Variants in AOC1 observed in about 807,000 individuals in gnomAD.
AOC1 encodes the protein amine oxidase copper containing 1.
A neutral mutation model predicts 57.1 loss-of-function variants in AOC1; 58 were observed. The observed-to-expected ratio is 1.02, with a 90% CI of 0.82 to 1.26. The LOEUF is 1.26. AOC1 is among the 50% of genes most tolerant of loss of function. The pLI, the probability that AOC1 is intolerant of heterozygous loss-of-function variation, is 0.00. For synonymous variants in AOC1, 401 were observed against 423.4 expected, an observed-to-expected ratio of 0.95 and a Z score of 0.65; for missense variants, 917 against 1,005.3, an observed-to-expected ratio of 0.91 and a Z score of 1.19.
In AOC1 at chr7:150,861,385, G is replaced by C; in HGVS notation, c.*176G>C. 1 of 673,526 alleles carries C rather than the reference G, an allele frequency of 1.5e-6. No homozygotes were observed. The highest frequency in any genetic ancestry group is 2.4e-6 in the Non-Finnish European group (1 of 416,878). 41.7% of individuals were successfully genotyped at this position (673,526 alleles called of 1,614,324 possible). The stretch of plus-strand genomic sequence containing the variant: ...ACACACAGACGTGCACACACACACA[G>C]ACATGCACACACACACAGACGTGCA... On this transcript the variant is annotated 3_prime_UTR_variant, in exon 5 of 5. Transcript: ENST00000360937. The surrounding 1 kb of genome is among the most constrained non-coding windows in gnomAD (Gnocchi z 4.5).
In AOC1 at chr7:150,856,311, C is replaced by T; in HGVS notation, c.-16-144C>T. The stretch of plus-strand genomic sequence containing the variant: ...CGGCGCTGGGGACTATGCATGGGGC[C>T]CCAGCTGCCCCAGGACAGCCTCCAG... On this transcript the variant is annotated intron_variant, in intron 1 of 4. Coordinates refer to ENST00000360937, the MANE Select transcript of AOC1 (RefSeq NM_001091.4). The surrounding 1 kb of genome is among the most constrained non-coding windows in gnomAD (Gnocchi z 5.2). The T allele has an allele frequency of 9.2e-7, 1 of 1,087,116 alleles. No homozygotes were observed. 67.3% of individuals were successfully genotyped at this position (1,087,116 alleles called of 1,614,324 possible).
rs1180731794 is a variant in AOC1, at chr7:150,857,717, T to G, written c.1247T>G (p.Leu416Arg). Residue 416 changes from leucine to arginine, a missense_variant, in exon 2 of 5, where the codon CTC becomes CGC. By Grantham distance (102) the Leu-to-Arg change is moderately radical (BLOSUM62 -2). Transcript: ENST00000360937. This position sits in a 1 kb window ranked among gnomAD's most constrained non-coding sequence, Gnocchi z 6.6. ...ADDPVHYPRALCLFEMPTGVP... is the reference protein window; with the variant it reads ...ADDPVHYPRARCLFEMPTGVP... Reference sequence around the variant, plus strand: ...GACCCGGTCCATTATCCCCGAGCCCTCTGCCTCTTTGAAATGCCCACAGGG... The same window carrying G: ...GACCCGGTCCATTATCCCCGAGCCCGCTGCCTCTTTGAAATGCCCACAGGG... 6.2e-7 allele frequency: 1 copy of G among 1,614,048 alleles called. No homozygotes were observed. The highest frequency in any genetic ancestry group is 1.3e-5 in the African/African-American group (1 of 74,932).
At chr7:150,853,332 G>A (rs149696816) in intron 1 of AOC1, among the ~76,000 whole-genome samples, 32 of 152,190 alleles carry the variant, frequency 2.1e-4, no homozygotes, top group African/African-American at 7.5e-4. Context: ...TTGATAGTGG[G>A]GAGGCTGCGT....
chr7:150,858,923 G>A lies in AOC1; in HGVS notation c.1731G>A (p.Leu577=). 2 of 1,612,690 alleles carry A rather than the reference G, an allele frequency of 1.2e-6. No homozygotes were observed. Among genetic ancestry groups the A allele is most frequent in the Non-Finnish European group, 8.5e-7 (1 of 1,179,302 alleles). Residue 577 remains leucine, a synonymous_variant, in exon 3 of 5, where the codon CTG becomes CTA. Coordinates refer to ENST00000360937, the MANE Select transcript of AOC1 (RefSeq NM_001091.4). The part of the protein sequence containing the change: ...FRFKRKLPKY[L]LFTSPQENPW... ...TCAAAAGGAAGCTGCCTAAGTACCT[G>A]CTCTTTACCAGCCCCCAGGAGAACC...
rs1295458183 is a variant in AOC1, at chr7:150,860,935, T to G, written c.1990-8T>G. 1.2e-6 allele frequency: 2 copies of G among 1,608,914 alleles called. No individual in the cohort carries two copies. Among genetic ancestry groups the G allele is most frequent in the South Asian group, 2.2e-5 (2 of 90,804 alleles). On this transcript the variant is annotated splice_region_variant and splice_polypyrimidine_tract_variant and intron_variant, in intron 4 of 4. Transcript: ENST00000360937. ...CCTGCCCACTGAAGCCCACCCTGTCTCCTGCAGGACCTGGTGGCCTGGGTG... is the reference window on the plus strand; with the variant it reads ...CCTGCCCACTGAAGCCCACCCTGTCGCCTGCAGGACCTGGTGGCCTGGGTG...
rs1799834143 is a variant in AOC1 at position 150,857,740 on chromosome 7, G to T, written c.1270G>T (p.Gly424Trp). 1 of 1,614,088 alleles carries T rather than the reference G, an allele frequency of 6.2e-7. No individual in the cohort carries two copies. Among genetic ancestry groups the T allele is most frequent in the Admixed American group, 1.7e-5 (1 of 60,010 alleles). ...CCTCTGCCTCTTTGAAATGCCCACA[G>T]GGGTGCCCCTTCGGCGGCACTTTAA... The part of the protein sequence containing the change: ...RALCLFEMPT[G>W]VPLRRHFNSN... The change falls in exon 2 of 5, where the codon GGG becomes TGG. Residue 424 changes from glycine to tryptophan, a missense_variant. By Grantham distance (184) the Gly-to-Trp change is radical. Transcript: ENST00000360937. This position sits in a 1 kb window ranked among gnomAD's most constrained non-coding sequence, Gnocchi z 6.6.
rs1799826272 is a variant in AOC1 at position 150,857,567 on chromosome 7, G to A, written c.1097G>A (p.Gly366Asp). 1.2e-6 allele frequency: 2 copies of A among 1,613,914 alleles called. No individual in the cohort carries two copies. The highest frequency in any genetic ancestry group is 2.2e-5 in the South Asian group (2 of 91,090). The change falls in exon 2 of 5, where the codon GGC becomes GAC. Residue 366 changes from glycine (G) to aspartate (D), a missense_variant. By Grantham distance (94) the Gly-to-Asp change is moderately conservative. Coordinates refer to ENST00000360937, the MANE Select transcript of AOC1 (RefSeq NM_001091.4). The surrounding 1 kb of genome is among the most constrained non-coding windows in gnomAD (Gnocchi z 6.6). ...CTGTATGGAGGACACACACCTGCAG[G>A]CATGCAGACCAAGTACCTCGATGTC... ...VALYGGHTPA[G>D]MQTKYLDVGW...
At chr7:150,855,213 G>T (rs1203085187) in intron 1 of AOC1, among the ~76,000 whole-genome samples, 1 of 152,194 alleles carries the variant, frequency 6.6e-6, no homozygotes, top group Non-Finnish European at 1.5e-5. Context: ...GTGCAAGGTG[G>T]CAAAGGCAGT....
At position 150,857,821 on chromosome 7, in the gene AOC1, G is replaced by A. The variant is rs1193534182; in HGVS notation, c.1351G>A (p.Val451Met). Residue 451 changes from valine (V) to methionine (M), a missense_variant, in exon 2 of 5, where the codon GTG (valine) becomes ATG (methionine). By Grantham distance (21) the Val-to-Met change is conservative. Coordinates refer to ENST00000360937, the MANE Select transcript of AOC1 (RefSeq NM_001091.4). This position sits in a 1 kb window ranked among gnomAD's most constrained non-coding sequence, Gnocchi z 6.6. ...TGCGGGGCTGAAGGGCCAGGTGCTGGTGCTGCGGACAACTTCAACTGTCTA... is the reference window on the plus strand; with the variant it reads ...TGCGGGGCTGAAGGGCCAGGTGCTGATGCTGCGGACAACTTCAACTGTCTA... ...FYAGLKGQVLVLRTTSTVYNY... is the reference protein window; with the variant it reads ...FYAGLKGQVLMLRTTSTVYNY... 6 of 1,614,186 alleles carry A rather than the reference G, an allele frequency of 3.7e-6. No homozygotes were observed. The highest frequency in any genetic ancestry group is 5.1e-6 in the Non-Finnish European group (6 of 1,180,004).
chr7:150,853,772 C>T (rs769137440), intron 1 of AOC1: 4 of 151,092 alleles, frequency 2.6e-5, no homozygotes, highest in Non-Finnish European at 5.9e-5. Flanking sequence ...CCTGTAATCC[C>T]AGCACTTTGG....
At position 150,856,550 on chromosome 7, in the gene AOC1, C is replaced by T; in HGVS notation, c.80C>T (p.Pro27Leu). 1 of 1,614,040 alleles carries T rather than the reference C, an allele frequency of 6.2e-7. No individual in the cohort carries two copies. The highest frequency in any genetic ancestry group is 8.5e-7 in the Non-Finnish European group (1 of 1,179,966). ...GCGGAGCCCTCCCCGGGGACTCTGC[C>T]CAGGAAGGCAGGGGTGTTTTCAGAC... ...AMAEPSPGTL[P>L]RKAGVFSDLS... is the part of the protein sequence containing the mutation. The change falls in exon 2 of 5, where the codon CCC becomes CTC. Residue 27 changes from proline (P) to leucine (L), a missense_variant. Physicochemically the swap from Pro to Leu is moderately conservative, Grantham distance 98. Coordinates refer to ENST00000360937, the MANE Select transcript of AOC1 (RefSeq NM_001091.4). The surrounding 1 kb of genome is among the most constrained non-coding windows in gnomAD (Gnocchi z 5.2).
At position 150,856,169 on chromosome 7, in the gene AOC1, A is replaced by G. The variant is rs1799767512; in HGVS notation, c.-16-286A>G. Among the ~76,000 whole-genome samples, 1 of 152,208 alleles carries G rather than the reference A, an allele frequency of 6.6e-6. No homozygotes were observed. Among genetic ancestry groups the G allele is most frequent in the Non-Finnish European group, 1.5e-5 (1 of 68,014 alleles). The stretch of plus-strand genomic sequence containing the variant: ...GACTCACGGCACCCCTGGCTGAGAT[A>G]ATACACAAAAACAAGGGTGTTCCCC... On this transcript the variant is annotated intron_variant, in intron 1 of 4. Coordinates refer to ENST00000360937, the MANE Select transcript of AOC1 (RefSeq NM_001091.4). The surrounding 1 kb of genome is among the most constrained non-coding windows in gnomAD (Gnocchi z 5.2).
intron 1 of AOC1, among the ~76,000 whole-genome samples, chr7:150,854,876 G>A (rs1799727508): frequency 6.6e-6 from 1 of 152,170 alleles, no homozygotes; most frequent in Admixed American, 6.5e-5. Flanking sequence ...TCCCTTGCAG[G>A]CAGCCTGGGC....
intron 1 of AOC1, among the ~76,000 whole-genome samples, chr7:150,853,692 TA>T (rs1554412904): frequency 3.2e-3 from 204 of 64,502 alleles, no homozygotes; most frequent in East Asian, 7.9e-3. Context: ...TATATATATA[TA>T]TATATTTATT....
chr7:150,854,859 C>T (rs778155576), intron 1 of AOC1, among the ~76,000 whole-genome samples: 16 of 152,194 alleles, frequency 1.1e-4, no homozygotes, highest in East Asian at 1.9e-4. Flanking sequence ...GTGAAATCCT[C>T]GGGGCCTCCC....
chr7:150,856,136 G>A lies in AOC1; in HGVS notation c.-16-319G>A, dbSNP rs1799766374. 6.6e-6 allele frequency among the ~76,000 whole-genome samples: 1 copy of A among 152,204 alleles called. No homozygotes were observed. Among genetic ancestry groups the A allele is most frequent in the Non-Finnish European group, 1.5e-5 (1 of 68,032 alleles). On this transcript the variant is annotated intron_variant, in intron 1 of 4. Coordinates refer to ENST00000360937, the MANE Select transcript of AOC1 (RefSeq NM_001091.4). The surrounding 1 kb of genome is among the most constrained non-coding windows in gnomAD (Gnocchi z 5.2). ...GGGGCATGTGCAGGGGCCCAGCCTG[G>A]CCTCTGTGACTCACGGCACCCCTGG...
At chr7:150,853,671 ATATATATATATATATATATATATATATT>A (rs1464265785) in intron 1 of AOC1, among the ~76,000 whole-genome samples, 2 of 23,172 alleles carry the variant, frequency 8.6e-5, no homozygotes, top group Admixed American at 4.9e-4. Context: ...CTATATATAT[ATATATATATATATATATATATATATATT>A]TATTTATTTA....
Position 150,857,866 on chromosome 7 carries a change from G to T in AOC1, c.1396G>T (p.Asp466Tyr). The change falls in exon 2 of 5, where the codon GAC becomes TAC. Residue 466 changes from aspartate to tyrosine, a missense_variant. Coordinates refer to ENST00000360937, the MANE Select transcript of AOC1 (RefSeq NM_001091.4). This position sits in a 1 kb window ranked among gnomAD's most constrained non-coding sequence, Gnocchi z 6.6. ...STVYNYDYIW[D>Y]FIFYPNGVME... is the part of the protein sequence containing the mutation. ...TGTCTACAATTATGATTACATTTGG[G>T]ACTTTATCTTCTACCCCAACGGGGT... 6.2e-7 allele frequency: 1 copy of T among 1,613,816 alleles called. No individual in the cohort carries two copies. Among genetic ancestry groups the T allele is most frequent in the African/African-American group, 1.3e-5 (1 of 75,044 alleles).
At position 150,860,638 on chromosome 7, in the gene AOC1, T is replaced by A. The variant is rs750858727; in HGVS notation, c.1989+5T>A. On this transcript the variant is annotated splice_donor_5th_base_variant and intron_variant, in intron 4 of 4. Transcript: ENST00000360937. ...AACGAGAACATTGAAAATGAGGTACTGCCCTGTCCCCAGCCCTGCCCGGTG... is the reference window on the plus strand; with the variant it reads ...AACGAGAACATTGAAAATGAGGTACAGCCCTGTCCCCAGCCCTGCCCGGTG... 3 of 1,613,604 alleles carry A rather than the reference T, an allele frequency of 1.9e-6. No individual in the cohort carries two copies. The highest frequency in any genetic ancestry group is 1.7e-6 in the Non-Finnish European group (2 of 1,179,652).
Sources: gnomAD v4.1 joint callset for allele counts (sites outside exome capture counted in the v4.1 genomes callset) on GRCh38, gnomAD v4.1.1 for gene constraint, Gnocchi (gnomAD v3.1) non-coding constraint, MANE v1.5 for transcripts, NCBI Gene and HGNC (gene_info 2026-07-23, HGNC 2026-07-21) for gene names.